Variants in SNX9 observed in about 807,000 individuals in gnomAD.
The protein encoded by SNX9 is sorting nexin 9.
SNX9 carries 44 observed loss-of-function variants against 89.4 expected under a neutral mutation model. The observed-to-expected ratio is 0.49, with a 90% CI of 0.39 to 0.63. The LOEUF (loss-of-function observed/expected upper bound fraction) is 0.63. Ranked by LOEUF, SNX9 falls within the 30% of genes least tolerant of loss-of-function variation. SNX9 has a pLI of 0.00. For missense variants in SNX9, 578 were observed against 736.1 expected, an observed-to-expected ratio of 0.79 and a Z score of 2.49; for synonymous variants, 236 against 247.8, an observed-to-expected ratio of 0.95 and a Z score of 0.45.
intron 2 of SNX9, among the ~76,000 whole-genome samples, chr6:157,871,733 G>GTTTT (rs1434349462): frequency 6.9e-6 from 1 of 144,828 alleles, no homozygotes; most frequent in African/African-American, 2.5e-5. Context: ...AATAGATTCA[G>GTTTT]TTTTAATCAT....
chr6:157,919,495 T>C (rs1429690824), intron 9 of SNX9, among the ~76,000 whole-genome samples: 1 of 152,212 alleles, frequency 6.6e-6, no homozygotes, highest in Admixed American at 6.5e-5. Context: ...TTGAGCCTTA[T>C]CTGCAGTGAA....
At chr6:157,928,291 G>A (rs1783736951) in intron 11 of SNX9, among the ~76,000 whole-genome samples, 1 of 151,996 alleles carries the variant, frequency 6.6e-6, no homozygotes, top group Non-Finnish European at 1.5e-5. Flanking sequence ...AGATTTGATG[G>A]TCCCCCCAGT....
intron 9 of SNX9, among the ~76,000 whole-genome samples, chr6:157,917,106 C>G (rs1783487994): frequency 6.6e-6 from 1 of 152,082 alleles, no homozygotes; most frequent in Non-Finnish European, 1.5e-5. Context: ...TCAGGCTGAG[C>G]TTTGGTAGCT....
chr6:157,841,858 A>G (rs1781710292), intron 1 of SNX9, among the ~76,000 whole-genome samples: 1 of 152,148 alleles, frequency 6.6e-6, no homozygotes. Flanking sequence ...AATATTTTCT[A>G]TTTTAACTTT....
intron 4 of SNX9, among the ~76,000 whole-genome samples, chr6:157,884,504 T>C (rs1307922586): frequency 6.6e-6 from 1 of 152,230 alleles, no homozygotes; most frequent in African/African-American, 2.4e-5. Context: ...ATAAGTCTTA[T>C]AATGCCTTAG....
At position 157,823,301 on chromosome 6, in the gene SNX9, C is replaced by A; in HGVS notation, c.-134C>A. The A allele has an allele frequency of 2.8e-6, 2 of 702,804 alleles. No individual in the cohort carries two copies. Among genetic ancestry groups the A allele is most frequent in the South Asian group, 4.9e-5 (1 of 20,316 alleles). The allele number at this position is 702,804 out of a possible 1,614,324, so 43.5% of individuals were successfully genotyped here. On this transcript the variant is annotated 5_prime_UTR_variant, in exon 1 of 18. Coordinates refer to ENST00000392185, the MANE Select transcript of SNX9 (RefSeq NM_016224.5). This position sits in a 1 kb window ranked among gnomAD's most constrained non-coding sequence, Gnocchi z 4.6. ...TGAGCGTCGAGACTCGGGGCCGAGG[C>A]GGAGGAGCGGCCGCCGCGCCGGGGC...
chr6:157,841,224 A>G (rs1781696567), intron 1 of SNX9, among the ~76,000 whole-genome samples: 1 of 152,218 alleles, frequency 6.6e-6, no homozygotes, highest in Non-Finnish European at 1.5e-5. Flanking sequence ...TATTTTTAAT[A>G]TGAATTAGAT....
Position 157,915,964 on chromosome 6 carries a change from G to A in SNX9, c.950-5567G>A, listed in dbSNP as rs1011353901. On this transcript the variant is annotated intron_variant, in intron 9 of 17. Transcript: ENST00000392185. ...TTTGTATATCCACCTTTTATCTGTG[G>A]CCTTGCTAAACTCACTCAATAGTTC... 2.0e-5 allele frequency among the ~76,000 whole-genome samples: 3 copies of A among 151,368 alleles called. No homozygotes were observed. In the Middle Eastern group the frequency reaches 0.01, roughly 518 times the overall value.
intron 6 of SNX9, among the ~76,000 whole-genome samples, chr6:157,903,929 G>A (rs1297241733): frequency 6.6e-6 from 1 of 152,194 alleles, no homozygotes; most frequent in Non-Finnish European, 1.5e-5. Flanking sequence ...TCTCTCTGTA[G>A]TGCTGTGAAC....
At chr6:157,875,620 G>T (rs921266583) in intron 4 of SNX9, among the ~76,000 whole-genome samples, 2 of 152,164 alleles carry the variant, frequency 1.3e-5, no homozygotes, top group Admixed American at 6.5e-5. Flanking sequence ...GCGAGTAGAA[G>T]CAGTGCCTGT....
chr6:157,925,311 A>G (rs1303583057), intron 10 of SNX9, among the ~76,000 whole-genome samples: 1 of 152,182 alleles, frequency 6.6e-6, no homozygotes, highest in Admixed American at 6.5e-5. Flanking sequence ...ATGCCACTAC[A>G]CACGTGCCAG....
chr6:157,928,066 C>T (rs1340541514), intron 11 of SNX9, among the ~76,000 whole-genome samples: 1 of 152,130 alleles, frequency 6.6e-6, no homozygotes, highest in Non-Finnish European at 1.5e-5. Flanking sequence ...ACAAAAATGA[C>T]CTCACACTAG....
intron 6 of SNX9, among the ~76,000 whole-genome samples, chr6:157,902,315 T>TATGA (rs1783122274): frequency 6.6e-6 from 1 of 152,256 alleles, no homozygotes; most frequent in South Asian, 2.1e-4. Flanking sequence ...TTTATCAATT[T>TATGA]ATGACATATT....
chr6:157,863,542 T>C (rs2115131533), intron 1 of SNX9, among the ~76,000 whole-genome samples: 1 of 152,326 alleles, frequency 6.6e-6, no homozygotes, highest in South Asian at 2.1e-4. Context: ...CAGGACTAGG[T>C]GGAAATTTAG....
intron 5 of SNX9, among the ~76,000 whole-genome samples, chr6:157,900,378 A>G (rs549074556): frequency 2.2e-4 from 34 of 152,322 alleles, no homozygotes; most frequent in Middle Eastern, 3.4e-3. Context: ...GTTATCAGAT[A>G]CATGGCTCGC....
intron 4 of SNX9, among the ~76,000 whole-genome samples, chr6:157,889,038 T>TC (rs1226083940): frequency 6.6e-6 from 1 of 152,128 alleles, no homozygotes; most frequent in Non-Finnish European, 1.5e-5. Context: ...CGAAGAGGCA[T>TC]CTCAGCATTG....
intron 2 of SNX9, among the ~76,000 whole-genome samples, chr6:157,871,516 C>G (rs996612890): frequency 4.5e-4 from 68 of 151,812 alleles, no homozygotes; most frequent in African/African-American, 1.6e-3. Context: ...CGTCGCACAC[C>G]AGGGCCTGTC....
chr6:157,875,177 G>C lies in SNX9; in HGVS notation c.300+1G>C, dbSNP rs1782494133. ...GTCGGCTGCCAGCAACAATCACCAG[G>C]TACGTCTCACTTCCTCCTTCTGGAT... On this transcript the variant is annotated splice_donor_variant, in intron 4 of 17. Coordinates refer to ENST00000392185, the MANE Select transcript of SNX9 (RefSeq NM_016224.5). LOFTEE classifies it high-confidence loss of function. The C allele has an allele frequency of 4.4e-6, 7 of 1,606,294 alleles. No homozygotes were observed. The highest frequency in any genetic ancestry group is 6.0e-6 in the Non-Finnish European group (7 of 1,175,878).
chr6:157,882,555 C>T (rs554255688), intron 4 of SNX9, among the ~76,000 whole-genome samples: 3 of 152,296 alleles, frequency 2.0e-5, no homozygotes, highest in East Asian at 3.9e-4. Context: ...AAGGATTCAT[C>T]GTTCTGGATG....
Sources: gnomAD v4.1 joint callset for allele counts (sites outside exome capture counted in the v4.1 genomes callset) on GRCh38, gnomAD v4.1.1 for gene constraint, Gnocchi (gnomAD v3.1) non-coding constraint, MANE v1.5 for transcripts, NCBI Gene and HGNC (gene_info 2026-07-23, HGNC 2026-07-21) for gene names.